Variants in CRY1 observed in about 807,000 individuals in gnomAD.
CRY1 encodes the protein cryptochrome-1.
In CRY1, 45 loss-of-function variants were observed where a neutral mutation model predicts 76.0. The observed-to-expected ratio is 0.59, with a 90% CI of 0.47 to 0.76. The LOEUF is 0.76. Among genes scored for constraint, CRY1 ranks in the 30% least tolerant of loss-of-function variants. CRY1 has a pLI of 0.00. For missense variants in CRY1, 587 were observed against 716.4 expected, an observed-to-expected ratio of 0.82 and a Z score of 2.06; for synonymous variants, 248 against 244.0, an observed-to-expected ratio of 1.02 and a Z score of -0.15.
chr12:107,043,343 T>C (rs1378135178), intron 1 of CRY1, among the ~76,000 whole-genome samples: 2 of 151,996 alleles, frequency 1.3e-5, no homozygotes, highest in Admixed American at 1.3e-4. Context: ...CAGGAAATGG[T>C]GACTTGGCCA....
intron 5 of CRY1, among the ~76,000 whole-genome samples, chr12:107,000,998 T>C (rs1027392297): frequency 6.6e-6 from 1 of 152,126 alleles, no homozygotes; most frequent in Non-Finnish European, 1.5e-5. Context: ...AATTCTATTC[T>C]AGTTTCGAAA....
At chr12:107,072,860 A>G (rs1335704921) in intron 1 of CRY1, 1 of 152,222 alleles carries the variant, frequency 6.6e-6, no homozygotes, top group Admixed American at 6.5e-5. Flanking sequence ...GAAAAAATCC[A>G]CATTTTAAAA....
At chr12:107,010,900 G>C (rs1952437406) in intron 2 of CRY1, among the ~76,000 whole-genome samples, 1 of 152,046 alleles carries the variant, frequency 6.6e-6, no homozygotes, top group Non-Finnish European at 1.5e-5. Context: ...CTCTCCTCAG[G>C]CCTCCTTATT....
chr12:107,075,136 G>C (rs1953237102), intron 1 of CRY1, among the ~76,000 whole-genome samples: 1 of 152,182 alleles, frequency 6.6e-6, no homozygotes, highest in African/African-American at 2.4e-5. Flanking sequence ...CATGCTGACT[G>C]ATGGACATGG....
chr12:107,087,265 T>A, intron 1 of CRY1, among the ~76,000 whole-genome samples: 1 of 136,744 alleles, frequency 7.3e-6, no homozygotes, highest in African/African-American at 2.8e-5. Context: ...TGGGAGGGAG[T>A]GGAAAGTGAG....
intron 1 of CRY1, among the ~76,000 whole-genome samples, chr12:107,031,909 G>GT (rs1952679920): frequency 6.6e-6 from 1 of 152,090 alleles, no homozygotes; most frequent in Non-Finnish European, 1.5e-5. Context: ...CTGGAGTTTA[G>GT]TTAGTACTAT....
intron 5 of CRY1, 102 bp from the exon 6 acceptor site, chr12:107,000,184 G>C: frequency 8.4e-7 from 1 of 1,186,020 alleles, no homozygotes; most frequent in Non-Finnish European, 1.2e-6. Context: ...TAGTTCTTGG[G>C]GAATAAAATC....
intron 1 of CRY1, among the ~76,000 whole-genome samples, chr12:107,092,035 T>C (rs1458572800): frequency 1.3e-5 from 2 of 152,222 alleles, no homozygotes; most frequent in African/African-American, 4.8e-5. Flanking sequence ...TTTCTGTCTT[T>C]CACTCACTGC....
chr12:107,056,533 C>T (rs911125125), intron 1 of CRY1, among the ~76,000 whole-genome samples: 3 of 152,016 alleles, frequency 2.0e-5, no homozygotes, highest in African/African-American at 7.2e-5. Flanking sequence ...TGTGGCCCAA[C>T]ACAATTTTGT....
intron 1 of CRY1, among the ~76,000 whole-genome samples, chr12:107,071,701 G>C (rs1410474300): frequency 6.6e-6 from 1 of 151,834 alleles, no homozygotes; most frequent in Non-Finnish European, 1.5e-5. Flanking sequence ...GAAAGAAAAA[G>C]AAGAAAAAAA....
At chr12:106,995,125 G>A (rs564741689) in intron 10 of CRY1, among the ~76,000 whole-genome samples, 4 of 152,168 alleles carry the variant, frequency 2.6e-5, no homozygotes, top group African/African-American at 4.8e-5. Flanking sequence ...CTAACTGTGG[G>A]ATCTTGGTTA....
At position 107,005,232 on chromosome 12, in the gene CRY1, T is replaced by TCCATACTCAA; in HGVS notation, c.283_284insTTGAGTATGG (p.Lys95IlefsTer8). 1 of 1,612,870 alleles carries TCCATACTCAA rather than the reference T, an allele frequency of 6.2e-7. No individual in the cohort carries two copies. Among genetic ancestry groups the TCCATACTCAA allele is most frequent in the Non-Finnish European group, 8.5e-7 (1 of 1,179,596 alleles). ...CTCAGAATCATACTCAATTGAAAGTTTAGTAATGTTCCATTCCTAAAGTAA... is the reference window on the plus strand; with the variant it reads ...CTCAGAATCATACTCAATTGAAAGTTCCATACTCAATAGTAATGTTCCATTCCTAAAGTAA... On this transcript the variant is annotated frameshift_variant, in exon 3 of 13. Coordinates refer to ENST00000008527, the MANE Select transcript of CRY1 (RefSeq NM_004075.5). LOFTEE classifies it high-confidence loss of function.
chr12:107,092,896 C>T lies in CRY1; in HGVS notation c.66G>A (p.Lys22=), dbSNP rs781404746. 15 of 1,609,506 alleles carry T rather than the reference C, an allele frequency of 9.3e-6. No individual in the cohort carries two copies. The African/African-American group carries it at 1.7e-4, about 19-fold the overall frequency. ...TGGTGTCGGCGCCCTGAATGCACTC[C>T]TTCAGGGCGGGGTTGTCGTGGAGCC... ...GLRLHDNPAL[K]ECIQGADTIR... Residue 22 remains lysine, a synonymous_variant, in exon 1 of 13, where the codon AAG becomes AAA. Coordinates refer to ENST00000008527, the MANE Select transcript of CRY1 (RefSeq NM_004075.5).
intron 1 of CRY1, among the ~76,000 whole-genome samples, chr12:107,080,548 T>C (rs1815104672): frequency 6.6e-6 from 1 of 151,488 alleles, no homozygotes; most frequent in South Asian, 2.1e-4. Context: ...AAGGAGAAGC[T>C]AAGGAAGAAC....
chr12:107,086,917 G>A (rs1458299319), intron 1 of CRY1, among the ~76,000 whole-genome samples: 3 of 151,998 alleles, frequency 2.0e-5, no homozygotes, highest in Non-Finnish European at 2.9e-5. Context: ...CACAGTGGTG[G>A]CAGTCTAACT....
chr12:107,069,285 T>A (rs1003810960), intron 1 of CRY1, among the ~76,000 whole-genome samples: 5 of 150,180 alleles, frequency 3.3e-5, no homozygotes, highest in African/African-American at 1.2e-4. Flanking sequence ...AGTGCAGTGG[T>A]GCAATCTTGG....
intron 1 of CRY1, among the ~76,000 whole-genome samples, chr12:107,046,582 TAC>T (rs1952851758): frequency 6.6e-6 from 1 of 152,162 alleles, no homozygotes; most frequent in Non-Finnish European, 1.5e-5. Flanking sequence ...ACTAAAAAGC[TAC>T]AGAGTAGCCA....
chr12:107,014,481 G>T (rs1233408288), intron 2 of CRY1, among the ~76,000 whole-genome samples: 3 of 152,162 alleles, frequency 2.0e-5, no homozygotes, highest in African/African-American at 7.2e-5. Context: ...AGGGCAAGAA[G>T]GGTGGGTTTG....
At chr12:107,066,722 C>A (rs1191222306) in intron 1 of CRY1, among the ~76,000 whole-genome samples, 1 of 150,844 alleles carries the variant, frequency 6.6e-6, no homozygotes, top group Non-Finnish European at 1.5e-5. Flanking sequence ...CCTCGGCCTC[C>A]CAAATTGTTA....
Sources: allele counts gnomAD v4.1 joint callset (sites outside exome capture counted in the v4.1 genomes callset), GRCh38; gene constraint gnomAD v4.1.1; transcripts MANE v1.5; gene names NCBI Gene and HGNC (gene_info 2026-07-23, HGNC 2026-07-21).